The following MECOM variants were observed in gnomAD, a reference collection of about 807,000 sequenced individuals.
The protein encoded by MECOM is MDS1 and EVI1 complex locus.
In MECOM, 13 loss-of-function variants were observed where a neutral mutation model predicts 116.3. The ratio of observed to expected loss-of-function variants is 0.11; its 90% CI spans 0.07 to 0.18. The LOEUF (loss-of-function observed/expected upper bound fraction) is 0.18. Among genes scored for constraint, MECOM ranks in the 10% least tolerant of loss-of-function variants. MECOM has a pLI of 1.00. For missense variants in MECOM, 1,299 were observed against 1,509.0 expected (o/e 0.86, Z 2.31); for synonymous variants, 528 against 535.2 (o/e 0.99, Z 0.19).
chr3:169,585,143 C>A (rs1428823582), intron 1 of MECOM, among the ~76,000 whole-genome samples: 2 of 152,136 alleles, frequency 1.3e-5, no homozygotes, highest in Non-Finnish European at 2.9e-5. Flanking sequence ...TCTTAGAAAT[C>A]TTTTTAAAAT....
In MECOM at chr3:169,474,557, G is replaced by A. The variant is rs543833443; in HGVS notation, c.38-93033C>T. ...TTACAATCATATATATTTATGATTA[G>A]ATATAAAGTAACTGCTTTTTCCCTA... On this transcript the variant is annotated intron_variant, in intron 1 of 16. Transcript: ENST00000651503. 1.4e-4 allele frequency among the ~76,000 whole-genome samples: 22 copies of A among 152,126 alleles called. No homozygotes were observed. The South Asian group carries it at 4.6e-3, about 32-fold the overall frequency.
intron 2 of MECOM, among the ~76,000 whole-genome samples, chr3:169,354,593 A>G (rs1021372289): frequency 6.6e-6 from 1 of 151,950 alleles, no homozygotes; most frequent in African/African-American, 2.4e-5. Context: ...TCTTGGAAAT[A>G]CCAAAAAGCT....
At chr3:169,301,691 A>G (rs1716744576) in intron 2 of MECOM, among the ~76,000 whole-genome samples, 1 of 152,240 alleles carries the variant, frequency 6.6e-6, no homozygotes, top group Non-Finnish European at 1.5e-5. Context: ...TGCTTCTGAT[A>G]TGTAAAAGAT....
At chr3:169,261,125 T>C (rs890271205) in intron 2 of MECOM, among the ~76,000 whole-genome samples, 3 of 152,230 alleles carry the variant, frequency 2.0e-5, no homozygotes, top group African/African-American at 7.2e-5. Flanking sequence ...TAAAAGTTAA[T>C]AGCCTCTGTT....
intron 1 of MECOM, among the ~76,000 whole-genome samples, chr3:169,521,063 T>A (rs996285843): frequency 7.2e-5 from 11 of 152,192 alleles, no homozygotes; most frequent in Admixed American, 2.0e-4. Context: ...CTAGTAAGAG[T>A]GCCAGAGGCA....
chr3:169,630,056 A>G (rs1771892219), intron 1 of MECOM, among the ~76,000 whole-genome samples: 1 of 152,186 alleles, frequency 6.6e-6, no homozygotes, highest in Admixed American at 6.5e-5. Context: ...TGATGGGCAG[A>G]TGGAAAGAGA....
At chr3:169,183,783 C>T (rs1386666447) in intron 2 of MECOM, among the ~76,000 whole-genome samples, 4 of 77,612 alleles carry the variant, frequency 5.2e-5, no homozygotes, top group African/African-American at 1.7e-4. Context: ...CACACACACA[C>T]ACACACACAC....
intron 2 of MECOM, among the ~76,000 whole-genome samples, chr3:169,279,744 CA>C (rs2149675579): frequency 6.6e-6 from 1 of 152,274 alleles, no homozygotes; most frequent in East Asian, 1.9e-4. Flanking sequence ...ATTCAATCTA[CA>C]TTTTACTTAG....
intron 2 of MECOM, among the ~76,000 whole-genome samples, chr3:169,331,825 C>G (rs1281027374): frequency 2.6e-5 from 4 of 151,972 alleles, no homozygotes; most frequent in Non-Finnish European, 5.9e-5. Flanking sequence ...TACATGCACA[C>G]ACTAACACAT....
intron 2 of MECOM, among the ~76,000 whole-genome samples, chr3:169,186,372 GGA>G (rs1746744881): frequency 2.9e-5 from 2 of 68,636 alleles, no homozygotes; most frequent in East Asian, 7.1e-4. Flanking sequence ...AAGGAAGGAA[GGA>G]AGGAAGGGAG....
chr3:169,551,583 A>C (rs1382646038), intron 1 of MECOM, among the ~76,000 whole-genome samples: 1 of 152,220 alleles, frequency 6.6e-6, no homozygotes, highest in African/African-American at 2.4e-5. Context: ...AGGTCAAATT[A>C]ATATTCAAAT....
At chr3:169,655,176 C>T (rs1210836065) in intron 1 of MECOM, among the ~76,000 whole-genome samples, 2 of 152,064 alleles carry the variant, frequency 1.3e-5, no homozygotes, top group African/African-American at 2.4e-5. Context: ...AAGCTGCCAC[C>T]TTTAGAGGAG....
intron 1 of MECOM, among the ~76,000 whole-genome samples, chr3:169,384,930 C>A (rs1003772398): frequency 4.0e-5 from 6 of 151,866 alleles, no homozygotes; most frequent in African/African-American, 1.5e-4. Flanking sequence ...TGACGAAACC[C>A]CATCTCTACT....
intron 1 of MECOM, among the ~76,000 whole-genome samples, chr3:169,594,171 A>AC (rs1560472556): frequency 8.4e-6 from 1 of 118,856 alleles, no homozygotes; most frequent in African/African-American, 4.0e-5. Context: ...AAAAAAAAAA[A>AC]AAAAACACCT....
chr3:169,208,489 G>T (rs754881803), intron 2 of MECOM, among the ~76,000 whole-genome samples: 2 of 151,764 alleles, frequency 1.3e-5, no homozygotes, highest in Non-Finnish European at 2.9e-5. Flanking sequence ...GACACAGTGG[G>T]ATTTGGGTAA....
intron 2 of MECOM, among the ~76,000 whole-genome samples, chr3:169,214,837 A>G (rs1250569995): frequency 6.7e-6 from 1 of 148,216 alleles, no homozygotes; most frequent in Admixed American, 6.8e-5. Flanking sequence ...TCTATTTTAT[A>G]TATATAATCT....
chr3:169,436,104 T>C lies in MECOM; in HGVS notation c.38-54580A>G, dbSNP rs180685607. ...GACTACAACTGGCTATTTCTGAATA[T>C]GGTAAGAAGATCCATATCCCCTTAT... On this transcript the variant is annotated intron_variant, in intron 1 of 16. Coordinates refer to ENST00000651503, the MANE Select transcript of MECOM (RefSeq NM_004991.4). 3.9e-5 allele frequency among the ~76,000 whole-genome samples: 6 copies of C among 152,264 alleles called. No individual in the cohort carries two copies. The East Asian group carries it at 1.2e-3, about 29-fold the overall frequency.
intron 1 of MECOM, among the ~76,000 whole-genome samples, chr3:169,419,458 C>T (rs1049996557): frequency 3.3e-5 from 5 of 152,094 alleles, no homozygotes; most frequent in African/African-American, 1.2e-4. Flanking sequence ...GCAAAAAGAA[C>T]AAAGCTGGAG....
At chr3:169,587,369 T>C (rs1765887261) in intron 1 of MECOM, among the ~76,000 whole-genome samples, 1 of 151,916 alleles carries the variant, frequency 6.6e-6, no homozygotes, top group Admixed American at 6.6e-5. Context: ...TTGGCACATA[T>C]GGCATGGTTT....
Sources: allele counts gnomAD v4.1 joint callset (sites outside exome capture counted in the v4.1 genomes callset), GRCh38; gene constraint gnomAD v4.1.1; transcripts MANE v1.5; gene names NCBI Gene and HGNC (gene_info 2026-07-23, HGNC 2026-07-21).